The following PTN variants were observed in gnomAD, a reference collection of about 807,000 sequenced individuals.
PTN encodes pleiotrophin, also known as heparin affin regulatory protein.
PTN carries 18 observed loss-of-function variants against 24.1 expected under a neutral mutation model. The observed-to-expected ratio is 0.75, with a 90% CI of 0.52 to 1.11. The LOEUF (loss-of-function observed/expected upper bound fraction) is 1.11, where lower values mean the gene tolerates loss of function less well. Among genes scored for constraint, PTN ranks in the 50% least tolerant of loss-of-function variants. PTN has a pLI of 0.00. For missense variants in PTN, 163 were observed against 198.8 expected (o/e 0.82, Z 1.08); for synonymous variants, 78 against 68.6 (o/e 1.14, Z -0.67).
chr7:137,277,356 T>C (rs1229826196), intron 1 of PTN, among the ~76,000 whole-genome samples: 1 of 152,206 alleles, frequency 6.6e-6, no homozygotes, highest in East Asian at 1.9e-4. Context: ...GAACACATTT[T>C]AGACTTTCCT....
chr7:137,318,524 T>G (rs1810110391), intron 1 of PTN: 1 of 152,210 alleles, frequency 6.6e-6, no homozygotes, highest in Non-Finnish European at 1.5e-5. Context: ...TTTAAGAAAA[T>G]AAATGGTAGG....
At chr7:137,305,458 A>G (rs1234001984) in intron 1 of PTN, among the ~76,000 whole-genome samples, 1 of 152,082 alleles carries the variant, frequency 6.6e-6, no homozygotes, top group Non-Finnish European at 1.5e-5. Flanking sequence ...GACATCATCT[A>G]CACCATTAGG....
intron 1 of PTN, among the ~76,000 whole-genome samples, chr7:137,275,595 C>T (rs1809347458): frequency 6.6e-6 from 1 of 152,008 alleles, no homozygotes; most frequent in Non-Finnish European, 1.5e-5. Flanking sequence ...TTGCCAAAAT[C>T]TCTTGTGGGA....
chr7:137,276,206 G>C (rs1472702406), intron 1 of PTN, among the ~76,000 whole-genome samples: 1 of 152,148 alleles, frequency 6.6e-6, no homozygotes, highest in East Asian at 1.9e-4. Context: ...TTTGAAGACG[G>C]ATCTAAATTT....
intron 1 of PTN, among the ~76,000 whole-genome samples, chr7:137,269,880 C>T (rs903607269): frequency 1.3e-5 from 2 of 152,058 alleles, no homozygotes; most frequent in Non-Finnish European, 2.9e-5. Context: ...AGCCTCCCAC[C>T]TCTCCCTCCC....
At chr7:137,337,642 G>C (rs1332417408) in intron 1 of PTN, among the ~76,000 whole-genome samples, 1 of 152,178 alleles carries the variant, frequency 6.6e-6, no homozygotes, top group Non-Finnish European at 1.5e-5. Context: ...ACTATGAAAA[G>C]TTTAAAATTA....
chr7:137,274,738 T>C (rs1809335017), intron 1 of PTN, among the ~76,000 whole-genome samples: 1 of 152,258 alleles, frequency 6.6e-6, no homozygotes, highest in Non-Finnish European at 1.5e-5. Flanking sequence ...TAGTTAACTA[T>C]TCTGTACTTT....
intron 1 of PTN, among the ~76,000 whole-genome samples, chr7:137,335,076 G>T (rs1164124498): frequency 6.7e-6 from 1 of 149,462 alleles, no homozygotes; most frequent in East Asian, 2.0e-4. Flanking sequence ...ATGGCATTAG[G>T]AGATATACCT....
intron 1 of PTN, among the ~76,000 whole-genome samples, chr7:137,261,912 TCAAA>T (rs1413370913): frequency 1.3e-5 from 2 of 152,304 alleles, no homozygotes; most frequent in Admixed American, 6.5e-5. Context: ...TGATTTATAC[TCAAA>T]CAAAGTACAT....
chr7:137,340,882 C>T (rs1810522884), intron 1 of PTN, among the ~76,000 whole-genome samples: 1 of 152,168 alleles, frequency 6.6e-6, no homozygotes, highest in Non-Finnish European at 1.5e-5. Flanking sequence ...ACACCTCCTT[C>T]CTGAGAGAAG....
rs776070736 is a variant in PTN, at chr7:137,343,546, C to T, written c.-109G>A. 9.6e-6 allele frequency: 5 copies of T among 518,982 alleles called. No homozygotes were observed. Among genetic ancestry groups the T allele is most frequent in the South Asian group, 7.0e-5 (5 of 71,584 alleles). The allele number at this position is 518,982 out of a possible 1,614,324, so 32.1% of individuals were successfully genotyped here. A position where few individuals can be genotyped will look rare whatever the true frequency, so the allele number is the denominator to read the frequency against. ...GGCTCGCTGCAGCTCCTGCTTGGGC[C>T]GCTGCTGCTCTCCCCGCCTTCTGGA... On this transcript the variant is annotated 5_prime_UTR_variant, in exon 1 of 5. Transcript: ENST00000348225.
intron 1 of PTN, among the ~76,000 whole-genome samples, chr7:137,310,404 GT>G (rs60905346): frequency 0.47 from 54,292 of 115,196 alleles, 10,312 homozygotes; most frequent in South Asian, 0.63. Context: ...TTTTTTTTTT[GT>G]TTTTTTTTTT....
At chr7:137,327,492 T>C (rs1218391900) in intron 1 of PTN, among the ~76,000 whole-genome samples, 2 of 152,108 alleles carry the variant, frequency 1.3e-5, no homozygotes, top group African/African-American at 4.8e-5. Context: ...GCTTTCCCCA[T>C]ATCTTTCTGC....
chr7:137,334,971 C>T (rs2128883326), intron 1 of PTN, among the ~76,000 whole-genome samples: 1 of 143,548 alleles, frequency 7.0e-6, no homozygotes, highest in East Asian at 2.1e-4. Context: ...CATGTTCTCA[C>T]TCATAGGTGA....
At chr7:137,278,981 T>TAATAATAATAAA (rs1554466684) in intron 1 of PTN, among the ~76,000 whole-genome samples, 1,961 of 140,368 alleles carry the variant, frequency 0.014, 15 homozygotes, top group African/African-American at 0.024. Flanking sequence ...ATAATAATAA[T>TAATAATAATAAA]AAAATAAAGA....
At chr7:137,302,953 G>T (rs185802507) in intron 1 of PTN, among the ~76,000 whole-genome samples, 65 of 151,978 alleles carry the variant, frequency 4.3e-4, no homozygotes, top group African/African-American at 1.5e-3. Flanking sequence ...GTCTCAAAAA[G>T]AAAGTACTTG....
At chr7:137,234,258 C>T (rs1808481308) in intron 4 of PTN, among the ~76,000 whole-genome samples, 1 of 151,732 alleles carries the variant, frequency 6.6e-6, no homozygotes, top group African/African-American at 2.4e-5. Flanking sequence ...ATAGTTCTGA[C>T]CTCTTGTTAT....
intron 1 of PTN, among the ~76,000 whole-genome samples, chr7:137,323,328 C>T (rs1381727540): frequency 6.6e-6 from 1 of 152,092 alleles, no homozygotes; most frequent in African/African-American, 2.4e-5. Flanking sequence ...GAGCAGCTAG[C>T]AGTGAAATTT....
At chr7:137,228,975 C>A (rs565279205) in intron 4 of PTN, among the ~76,000 whole-genome samples, 34 of 151,900 alleles carry the variant, frequency 2.2e-4, no homozygotes, top group African/African-American at 7.5e-4. Flanking sequence ...AGTCAGACTG[C>A]TGAAGTTTAA....
Sources: gnomAD v4.1 joint callset for allele counts (sites outside exome capture counted in the v4.1 genomes callset) on GRCh38, gnomAD v4.1.1 for gene constraint, MANE v1.5 for transcripts, NCBI Gene and HGNC (gene_info 2026-07-23, HGNC 2026-07-21) for gene names.